Variants in ERICH3 observed in about 807,000 individuals in gnomAD.
ERICH3 encodes glutamate rich 3, also known as glutamate-rich protein 3.
Under a neutral mutation model 131.1 loss-of-function variants are expected in ERICH3, and 126 were observed. The observed-to-expected ratio is 0.96, with a 90% CI of 0.83 to 1.11. ERICH3 has a LOEUF of 1.11. Among genes scored for constraint, ERICH3 ranks in the 50% most tolerant of loss-of-function variants. The pLI, the probability that ERICH3 is intolerant of heterozygous loss-of-function variation, is 0.00. For missense variants in ERICH3, 2,050 were observed against 1,810.7 expected, an observed-to-expected ratio of 1.13 and a Z score of -2.40; for synonymous variants, 695 against 644.6, an observed-to-expected ratio of 1.08 and a Z score of -1.18.
At chr1:74,585,928 A>T (rs968434711) in intron 12 of ERICH3, among the ~76,000 whole-genome samples, 1 of 152,120 alleles carries the variant, frequency 6.6e-6, no homozygotes, top group Non-Finnish European at 1.5e-5. Context: ...CCCAACTGTT[A>T]TAATTTACTC....
chr1:74,574,459 A>AAAGTCTTACCTTGAGCTACATAGGT, intron 13 of ERICH3, among the ~76,000 whole-genome samples: 1 of 152,150 alleles, frequency 6.6e-6, no homozygotes, highest in South Asian at 2.1e-4. Context: ...TCTTTAGTAA[A>AAAGTCTTACCTTGAGCTACATAGGT]AAGTCTTACC....
At chr1:74,601,147 T>C (rs1648111898) in intron 10 of ERICH3, among the ~76,000 whole-genome samples, 1 of 151,834 alleles carries the variant, frequency 6.6e-6, no homozygotes, top group Non-Finnish European at 1.5e-5. Flanking sequence ...TAAACCAAAA[T>C]TGTAAAATAA....
chr1:74,585,406 A>G (rs1329750049), intron 12 of ERICH3, among the ~76,000 whole-genome samples: 2 of 152,198 alleles, frequency 1.3e-5, no homozygotes, highest in Non-Finnish European at 2.9e-5. Flanking sequence ...CCAATTAAAT[A>G]TGACATACTA....
At chr1:74,586,609 A>G (rs1261436054) in intron 12 of ERICH3, 29 of 595,864 alleles carry the variant, frequency 4.9e-5, no homozygotes, top group Admixed American at 1.3e-4. Context: ...AATTTATCTT[A>G]AGAAAATGTT....
chr1:74,573,673 C>G (rs1240679674), intron 13 of ERICH3, among the ~76,000 whole-genome samples, 182 bp from the exon 14 acceptor site: 1 of 152,086 alleles, frequency 6.6e-6, no homozygotes, highest in Non-Finnish European at 1.5e-5. Context: ...TAACATGCAC[C>G]ATGACTTAAT....
intron 12 of ERICH3, among the ~76,000 whole-genome samples, chr1:74,583,932 A>G (rs1003639389): frequency 2.0e-5 from 3 of 152,210 alleles, no homozygotes; most frequent in Admixed American, 1.3e-4. Flanking sequence ...GAGCAACTGA[A>G]TATCAGAAGA....
chr1:74,606,737 A>G lies in ERICH3; in HGVS notation c.1353T>C (p.Ser451=). 1.2e-6 allele frequency: 2 copies of G among 1,613,424 alleles called. No individual in the cohort carries two copies. Among genetic ancestry groups the G allele is most frequent in the Non-Finnish European group, 1.7e-6 (2 of 1,179,594 alleles). The change falls in exon 10 of 15, where the codon TCT becomes TCC. Residue 451 remains serine, a synonymous_variant. Coordinates refer to ENST00000326665, the MANE Select transcript of ERICH3 (RefSeq NM_001002912.5). ...KRNEIKENKT[S]VSAKFSAQEI... ...CTTGAGCTGAAAATTTGGCTGAAAC[A>G]GAGGTTTTGTTCTCCTTGATCTCAT...
At chr1:74,637,333 G>A (rs1646398294) in intron 5 of ERICH3, among the ~76,000 whole-genome samples, 1 of 152,134 alleles carries the variant, frequency 6.6e-6, no homozygotes, top group Non-Finnish European at 1.5e-5. Flanking sequence ...GCTGGTTCTG[G>A]TGTCCAATTC....
intron 1 of ERICH3, among the ~76,000 whole-genome samples, chr1:74,651,424 A>G (rs1253130117): frequency 2.0e-5 from 3 of 152,268 alleles, no homozygotes; most frequent in South Asian, 4.2e-4. Flanking sequence ...AGTAAGGCAC[A>G]TAGAAAACCA....
At position 74,572,966 on chromosome 1, in the gene ERICH3, T is replaced by A; in HGVS notation, c.2744A>T (p.His915Leu). 6.2e-7 allele frequency: 1 copy of A among 1,614,154 alleles called. No homozygotes were observed. Among genetic ancestry groups the A allele is most frequent in the South Asian group, 1.1e-5 (1 of 91,076 alleles). Residue 915 changes from histidine to leucine, a missense_variant, in exon 14 of 15, where the codon CAT becomes CTT. By Grantham distance (99) the His-to-Leu change is moderately conservative (BLOSUM62 -3). Transcript: ENST00000326665. ...ANEAAALNLE[H>L]LHEVAALREA... Reference sequence around the variant, plus strand: ...TCTCAGGGCTGCTACTTCATGAAGATGCTCCAAGTTCAGGGCTGCTGCTTC... The same window carrying A: ...TCTCAGGGCTGCTACTTCATGAAGAAGCTCCAAGTTCAGGGCTGCTGCTTC...
At chr1:74,594,292 G>A (rs1647744521) in intron 11 of ERICH3, among the ~76,000 whole-genome samples, 1 of 151,792 alleles carries the variant, frequency 6.6e-6, no homozygotes, top group South Asian at 2.1e-4. Flanking sequence ...GTGTGTGTGT[G>A]TGTGTGTGTG....
chr1:74,620,701 A>ATGT, intron 8 of ERICH3, 33 bp downstream of exon 8: 1 of 1,526,094 alleles, frequency 6.6e-7, no homozygotes, highest in Non-Finnish European at 8.9e-7. Flanking sequence ...ATCAACTCCA[A>ATGT]GCAATTAAAA....
intron 10 of ERICH3, among the ~76,000 whole-genome samples, chr1:74,605,484 C>T (rs1409448985): frequency 1.3e-5 from 2 of 151,812 alleles, no homozygotes; most frequent in Admixed American, 6.6e-5. Flanking sequence ...GATATGCCTT[C>T]CTCACTAAGC....
chr1:74,645,143 C>G (rs925723078), intron 3 of ERICH3, among the ~76,000 whole-genome samples: 5 of 152,028 alleles, frequency 3.3e-5, no homozygotes, highest in Admixed American at 2.0e-4. Flanking sequence ...AGTCATCCTC[C>G]TCTTCTTTTC....
In ERICH3 at chr1:74,570,141, T is replaced by C. The variant is rs1646919025; in HGVS notation, c.*317A>G. 1.3e-5 allele frequency: 2 copies of C among 152,178 alleles called. No individual in the cohort carries two copies. Among genetic ancestry groups the C allele is most frequent in the South Asian group, 4.1e-4 (2 of 4,832 alleles). The allele number at this position is 152,178 out of a possible 1,614,324, so 9.4% of individuals were successfully genotyped here. ...GCCTTCCAGTGATCTTTGGTAAAAG[T>C]CAAGCATCTGAAAATTATCATTTTT... is the stretch of plus-strand genomic sequence containing the variant. On this transcript the variant is annotated 3_prime_UTR_variant, in exon 15 of 15. Coordinates refer to ENST00000326665, the MANE Select transcript of ERICH3 (RefSeq NM_001002912.5).
chr1:74,573,238 C>G lies in ERICH3; in HGVS notation c.2472G>C (p.Glu824Asp), dbSNP rs1363943312. 1 of 1,603,970 alleles carries G rather than the reference C, an allele frequency of 6.2e-7. No homozygotes were observed. The highest frequency in any genetic ancestry group is 1.7e-5 in the Admixed American group (1 of 58,228). ...PTAEQPELAE[E>D]FTEKREIPPG... Reference sequence around the variant, plus strand: ...GAGGGATCTCCCTTTTTTCTGTAAACTCTTCTGCCAATTCTGGCTGCTCTG... The same window carrying G: ...GAGGGATCTCCCTTTTTTCTGTAAAGTCTTCTGCCAATTCTGGCTGCTCTG... The change falls in exon 14 of 15, where the codon GAG (glutamate) becomes GAC (aspartate). Residue 824 changes from glutamate to aspartate, a missense_variant. Coordinates refer to ENST00000326665, the MANE Select transcript of ERICH3 (RefSeq NM_001002912.5).
intron 5 of ERICH3, among the ~76,000 whole-genome samples, chr1:74,641,044 G>A (rs879352426): frequency 3.3e-5 from 5 of 152,060 alleles, no homozygotes; most frequent in Non-Finnish European, 5.9e-5. Flanking sequence ...TTTCTGTAGG[G>A]AATACAGGCC....
chr1:74,665,450 C>T (rs1646682519), intron 1 of ERICH3, among the ~76,000 whole-genome samples: 1 of 152,208 alleles, frequency 6.6e-6, no homozygotes, highest in Non-Finnish European at 1.5e-5. Flanking sequence ...ATAAAAACCA[C>T]TTTCAGCCTT....
intron 7 of ERICH3, chr1:74,622,796 AG>A (rs575623960): frequency 7.2e-4 from 110 of 152,226 alleles, no homozygotes; most frequent in Middle Eastern, 3.4e-3. Context: ...ATACAGGAAA[AG>A]GCAGCCCTTT....
Sources: gnomAD v4.1 joint callset for allele counts (sites outside exome capture counted in the v4.1 genomes callset) on GRCh38, gnomAD v4.1.1 for gene constraint, MANE v1.5 for transcripts, NCBI Gene and HGNC (gene_info 2026-07-23, HGNC 2026-07-21) for gene names.